The following GGT7 variants were observed in gnomAD, a reference collection of about 807,000 sequenced individuals.
GGT7 encodes the protein glutathione hydrolase 7.
In GGT7, 30 loss-of-function variants were observed where a neutral mutation model predicts 69.2. The observed-to-expected ratio is 0.43, with a 90% CI of 0.32 to 0.59. GGT7 has a LOEUF of 0.59. Among genes scored for constraint, GGT7 ranks in the 20% least tolerant of loss-of-function variants. The pLI, the probability that GGT7 is intolerant of heterozygous loss-of-function variation, is 0.05. For synonymous variants in GGT7, 388 were observed against 391.8 expected (o/e 0.99, Z 0.12); for missense variants, 733 against 901.1 (o/e 0.81, Z 2.39).
At chr20:34,853,387 G>C (rs71349778) in intron 10 of GGT7, among the ~76,000 whole-genome samples, 3 of 149,774 alleles carry the variant, frequency 2.0e-5, no homozygotes, top group African/African-American at 2.4e-5. Flanking sequence ...GTGTGTTTTA[G>C]AGCAAAGTTT....
intron 1 of GGT7, among the ~76,000 whole-genome samples, chr20:34,871,483 T>A (rs563803802): frequency 1.2e-4 from 18 of 152,226 alleles, no homozygotes; most frequent in Non-Finnish European, 1.8e-4. Context: ...TAAGTTTTGA[T>A]CCGCAGCCCT....
intron 14 of GGT7, among the ~76,000 whole-genome samples, chr20:34,848,784 C>T (rs891926845): frequency 2.6e-5 from 4 of 152,166 alleles, no homozygotes; most frequent in Non-Finnish European, 4.4e-5. Context: ...TCAGTTTCTT[C>T]CTCTATAGAA....
At position 34,859,501 on chromosome 20, in the gene GGT7, G is replaced by A. The variant is rs769114841; in HGVS notation, c.956C>T (p.Thr319Ile). The A allele has an allele frequency of 3.1e-6, 5 of 1,610,050 alleles. No individual in the cohort carries two copies. The highest frequency in any genetic ancestry group is 4.5e-5 in the East Asian group (2 of 44,716). ...TGCGTAGAAGGCAGCCGGGCCGGAG[G>A]TGCCAAGTACATCCAGCACCTCAGC... ...DLAEVLDVLG[T>I]SGPAAFYAGG... is the part of the protein sequence containing the mutation. Residue 319 changes from threonine (T) to isoleucine (I), a missense_variant, in exon 7 of 15, where the codon ACC (threonine) becomes ATC (isoleucine). Thr to Ile is a moderately conservative substitution (Grantham distance 89). Coordinates refer to ENST00000336431, the MANE Select transcript of GGT7 (RefSeq NM_178026.3).
Position 34,850,019 on chromosome 20 carries a change from G to A in GGT7, c.1767C>T (p.Asp589=). 6.2e-7 allele frequency: 1 copy of A among 1,613,982 alleles called. No homozygotes were observed. The highest frequency in any genetic ancestry group is 1.1e-5 in the South Asian group (1 of 91,082). The change falls in exon 14 of 15, where the codon GAC becomes GAT. Residue 589 remains aspartate, a synonymous_variant. Transcript: ENST00000336431. ...NVLTLNRNLS[D]SLARGRLHPD... ...GGTGTAGGCGGCCGCGGGCCAGGCT[G>A]TCACTCAGGTTCCGGTTCAAGGTCA...
In GGT7 at chr20:34,854,593, G is replaced by A; in HGVS notation, c.1257C>T (p.Ala419=). 6.2e-7 allele frequency: 1 copy of A among 1,612,882 alleles called. No individual in the cohort carries two copies. Among genetic ancestry groups the A allele is most frequent in the Non-Finnish European group, 8.5e-7 (1 of 1,178,942 alleles). Residue 419 remains alanine (A), a synonymous_variant, in exon 10 of 15, where the codon GCC becomes GCT. Coordinates refer to ENST00000336431, the MANE Select transcript of GGT7 (RefSeq NM_178026.3). ...AETLKIALAL[A]SRLGDPVYDS... ...CATAGACGGGATCTCCCAGTCTGCT[G>A]GCCAGGGCTAATGCAATCTTCAGGG...
At chr20:34,860,815 G>T (rs1225294924) in intron 4 of GGT7, among the ~76,000 whole-genome samples, 1 of 152,044 alleles carries the variant, frequency 6.6e-6, no homozygotes, top group Non-Finnish European at 1.5e-5. Context: ...ATGTCACTCA[G>T]GCTGGTCTCA....
In GGT7 at chr20:34,852,506, A is replaced by C; in HGVS notation, c.1352T>G (p.Ile451Ser). The C allele has an allele frequency of 6.3e-7, 1 of 1,598,254 alleles. No homozygotes were observed. The highest frequency in any genetic ancestry group is 8.5e-7 in the Non-Finnish European group (1 of 1,172,914). ...GGCAGGGGCTGCCTGGGAGTCATTG[A>C]TATGGCCCCGGAGGTAGGCGGCCTC... Reference protein sequence around the residue: ...KVEAAYLRGHINDSQAAPAPL... With the variant: ...KVEAAYLRGHSNDSQAAPAPL... Residue 451 changes from isoleucine (I) to serine (S), a missense_variant, in exon 11 of 15, where the codon ATC becomes AGC. By Grantham distance (142) the Ile-to-Ser change is moderately radical (BLOSUM62 -2). Coordinates refer to ENST00000336431, the MANE Select transcript of GGT7 (RefSeq NM_178026.3).
Position 34,851,130 on chromosome 20 carries a change from G to C in GGT7, c.1725+101C>G, listed in dbSNP as rs193051974. ...AAAACAGCCTCAGCCCATGTTTGCC[G>C]CATGAGGAATGGAAACAAGCCACAG... On this transcript the variant is annotated intron_variant, in intron 13 of 14. Transcript: ENST00000336431. 6.3e-6 allele frequency: 9 copies of C among 1,439,004 alleles called. No individual in the cohort carries two copies. The Admixed American group carries it at 1.5e-4, about 24-fold the overall frequency. 89.1% of individuals were successfully genotyped at this position (1,439,004 alleles called of 1,614,324 possible).
Position 34,861,532 on chromosome 20 carries a change from T to C in GGT7, c.588A>G (p.Arg196=). Residue 196 remains arginine (R), a synonymous_variant, in exon 4 of 15, where the codon CGA becomes CGG. Coordinates refer to ENST00000336431, the MANE Select transcript of GGT7 (RefSeq NM_178026.3). ...GGGVMLVHDI[R]RNESHLIDFR... is the part of the protein sequence containing the mutation. Reference sequence around the variant, plus strand: ...AATCAATTAGGTGGCTCTCATTTCGTCGGATGTCATGTACCAGCATCACGC... The same window carrying C: ...AATCAATTAGGTGGCTCTCATTTCGCCGGATGTCATGTACCAGCATCACGC... 1 of 1,524,208 alleles carries C rather than the reference T, an allele frequency of 6.6e-7. No individual in the cohort carries two copies. Among genetic ancestry groups the C allele is most frequent in the Non-Finnish European group, 8.9e-7 (1 of 1,123,274 alleles). The allele number at this position is 1,524,208 out of a possible 1,614,324, so 94.4% of individuals were successfully genotyped here.
At chr20:34,860,112 G>GGGGGGGGA (rs2079565227) in intron 5 of GGT7, 70 bp from the exon 6 acceptor site, 2 of 863,524 alleles carry the variant, frequency 2.3e-6, no homozygotes, top group African/African-American at 3.5e-5. Context: ...GGGGAGGGGG[G>GGGGGGGGA]TTCCTGGGAA....
rs776221009 is a variant in GGT7, at chr20:34,860,372, G to A, written c.676-51C>T. 20 of 1,409,974 alleles carry A rather than the reference G, an allele frequency of 1.4e-5. No individual in the cohort carries two copies. In the East Asian group the frequency reaches 3.9e-4, roughly 27 times the overall value. The allele number at this position is 1,409,974 out of a possible 1,614,324, so 87.3% of individuals were successfully genotyped here. The stretch of plus-strand genomic sequence containing the variant: ...GAGAGGAGACCAGGTCACTGGAAGG[G>A]GGGTGCTGGGCTGAACTCCGCAGAG... On this transcript the variant is annotated intron_variant, in intron 4 of 14. Coordinates refer to ENST00000336431, the MANE Select transcript of GGT7 (RefSeq NM_178026.3).
At chr20:34,854,748 A>G in intron 9 of GGT7, 48 bp downstream of exon 9, 1 of 1,611,600 alleles carries the variant, frequency 6.2e-7, no homozygotes, top group Non-Finnish European at 8.5e-7. Flanking sequence ...CAATCTCCCC[A>G]CTCCTAATAT....
intron 1 of GGT7, among the ~76,000 whole-genome samples, chr20:34,866,461 T>C (rs1454761859): frequency 6.6e-6 from 1 of 151,400 alleles, no homozygotes; most frequent in Non-Finnish European, 1.5e-5. Context: ...TAAAAAAAAT[T>C]AACACATATA....
At chr20:34,865,673 G>T (rs116019604) in intron 1 of GGT7, among the ~76,000 whole-genome samples, 2,624 of 152,248 alleles carry the variant, frequency 0.017, 89 homozygotes, top group African/African-American at 0.06. Flanking sequence ...GGTGGGATAG[G>T]GGTACAAGGA....
intron 4 of GGT7, among the ~76,000 whole-genome samples, chr20:34,860,758 G>A (rs1466799593): frequency 6.7e-6 from 1 of 148,694 alleles, no homozygotes; most frequent in African/African-American, 2.5e-5. Context: ...GCATGCTACT[G>A]TGCCTGGCTA....
At chr20:34,850,405 T>A (rs190398821) in intron 13 of GGT7, among the ~76,000 whole-genome samples, 1 of 152,180 alleles carries the variant, frequency 6.6e-6, no homozygotes, top group Admixed American at 6.5e-5. Context: ...TAGGGCACAA[T>A]GTGGGTGCTT....
At chr20:34,853,926 C>T (rs529344166) in intron 10 of GGT7, among the ~76,000 whole-genome samples, 11 of 152,264 alleles carry the variant, frequency 7.2e-5, no homozygotes, top group African/African-American at 2.4e-4. Flanking sequence ...TCAGTATTTG[C>T]TTGGAGACTG....
chr20:34,851,133 T>C, intron 13 of GGT7, 98 bp downstream of exon 13: 2 of 1,456,320 alleles, frequency 1.4e-6, no homozygotes, highest in Non-Finnish European at 1.9e-6. Flanking sequence ...GTTTGCCGCA[T>C]GAGGAATGGA....
intron 14 of GGT7, among the ~76,000 whole-genome samples, chr20:34,847,178 G>A (rs2079316252): frequency 6.6e-6 from 1 of 152,074 alleles, no homozygotes; most frequent in Non-Finnish European, 1.5e-5. Context: ...CCAGTGACAG[G>A]GTCAGTACAT....
Sources: gnomAD v4.1 joint callset for allele counts (sites outside exome capture counted in the v4.1 genomes callset) on GRCh38, gnomAD v4.1.1 for gene constraint, MANE v1.5 for transcripts, NCBI Gene and HGNC (gene_info 2026-07-23, HGNC 2026-07-21) for gene names.